BOP1: variants seen among roughly 807,000 people sequenced by gnomAD.
BOP1 encodes the protein ribosome biogenesis protein BOP1.
In BOP1, 54 loss-of-function variants were observed where a neutral mutation model predicts 82.9. The ratio of observed to expected loss-of-function variants is 0.65; its 90% CI spans 0.52 to 0.82. BOP1 has a LOEUF of 0.82. Among genes scored for constraint, BOP1 ranks in the 40% least tolerant of loss-of-function variants. The probability of loss-of-function intolerance (pLI) is 0.00; values close to 1 mark genes in which losing one functional copy is unlikely to be tolerated. For missense variants in BOP1, 1,170 were observed against 1,072.0 expected (o/e 1.09, Z -1.28); for synonymous variants, 566 against 451.1 (o/e 1.25, Z -3.23).
At chr8:144,264,475 C>A (rs1479865382) in intron 6 of BOP1, 38 bp from the exon 7 acceptor site, 3 of 1,607,492 alleles carry the variant, frequency 1.9e-6, no homozygotes, top group East Asian at 2.2e-5. Flanking sequence ...CAGTGCGGGG[C>A]GGTCAGCCCA....
chr8:144,286,790 G>T (rs558778920), intron 2 of BOP1, among the ~76,000 whole-genome samples: 5 of 152,360 alleles, frequency 3.3e-5, no homozygotes, highest in African/African-American at 1.2e-4. Flanking sequence ...ACAGACCACA[G>T]ACAGCGGTAC....
intron 2 of BOP1, among the ~76,000 whole-genome samples, chr8:144,278,564 G>T (rs1009369742): frequency 6.6e-6 from 1 of 152,230 alleles, no homozygotes; most frequent in African/African-American, 2.4e-5. Context: ...GGTGGGAAGA[G>T]AACTCTGCTC....
chr8:144,264,248 CAG>C lies in BOP1; in HGVS notation c.953_954del (p.Pro318ArgfsTer51), dbSNP rs1845304968. On this transcript the variant is annotated frameshift_variant, in exon 7 of 16. Transcript: ENST00000569669. LOFTEE classifies it high-confidence loss of function. Reference sequence around the variant, plus strand: ...ACCTCCTCCTCGCTGAGCAGGTATTCAGGGGGTGGGTTGTACGACTCGGCGTG... The same window carrying C: ...ACCTCCTCCTCGCTGAGCAGGTATTCGGGGTGGGTTGTACGACTCGGCGTG... ...PGHAESYNPPPEYLLSEEERL... is the reference protein window; with the variant it reads ...PGHAESYNPPXEYLLSEEERL... The C allele has an allele frequency of 6.2e-7, 1 of 1,610,024 alleles. No individual in the cohort carries two copies. Among genetic ancestry groups the C allele is most frequent in the Non-Finnish European group, 8.5e-7 (1 of 1,179,140 alleles).
At chr8:144,290,403 G>A (rs577596630) in intron 1 of BOP1, among the ~76,000 whole-genome samples, 7 of 151,994 alleles carry the variant, frequency 4.6e-5, no homozygotes, top group Non-Finnish European at 8.8e-5. Flanking sequence ...GTTGAATGCA[G>A]AATTCTAGAT....
intron 3 of BOP1, among the ~76,000 whole-genome samples, chr8:144,272,534 C>A (rs888736636): frequency 7.9e-5 from 12 of 152,322 alleles, no homozygotes; most frequent in Admixed American, 4.6e-4. Context: ...TCTGCCAGCC[C>A]CAGGGCAAAG....
At chr8:144,276,004 A>G (rs1554838266) in intron 3 of BOP1, among the ~76,000 whole-genome samples, 1 of 152,202 alleles carries the variant, frequency 6.6e-6, no homozygotes, top group African/African-American at 2.4e-5. Flanking sequence ...TTCACAAGCC[A>G]TGATGACACA....
intron 2 of BOP1, among the ~76,000 whole-genome samples, chr8:144,285,936 G>C (rs1245682661): frequency 6.6e-6 from 1 of 152,256 alleles, no homozygotes; most frequent in Non-Finnish European, 1.5e-5. Context: ...GGGCATGACG[G>C]GGCCATCTTG....
intron 3 of BOP1, chr8:144,265,553 C>T (rs1246636500): frequency 1.6e-5 from 3 of 182,274 alleles, no homozygotes; most frequent in Non-Finnish European, 3.5e-5. Context: ...GGCCCCTCCC[C>T]AGGCAGAACA....
At chr8:144,284,314 T>G (rs1434283253) in intron 2 of BOP1, among the ~76,000 whole-genome samples, 5 of 152,094 alleles carry the variant, frequency 3.3e-5, no homozygotes, top group Non-Finnish European at 4.4e-5. Context: ...AAAAAAGCAT[T>G]TATCCTTTGA....
intron 3 of BOP1, among the ~76,000 whole-genome samples, chr8:144,274,558 G>A (rs1369103897): frequency 6.6e-6 from 1 of 152,248 alleles, no homozygotes; most frequent in African/African-American, 2.4e-5. Context: ...CCTGAAAGCT[G>A]AGCTCTGCCG....
rs1845304701 is a variant in BOP1, at chr8:144,264,230, C to A, written c.973G>T (p.Glu325Ter). 6.2e-7 allele frequency: 1 copy of A among 1,608,030 alleles called. No homozygotes were observed. Among genetic ancestry groups the A allele is most frequent in the Admixed American group, 1.7e-5 (1 of 59,370 alleles). Residue 325 changes from glutamate (E) to a stop codon, truncating the protein, a stop_gained, in exon 7 of 16, where the codon GAG (glutamate) becomes TAG (stop). Transcript: ENST00000569669. LOFTEE classifies it high-confidence loss of function. ...CCCCCAGGATGCAGGCCCACCTCCT[C>A]CTCGCTGAGCAGGTATTCAGGGGGT... ...NPPPEYLLSE[E>*]ERLAWEQQEP...
intron 2 of BOP1, among the ~76,000 whole-genome samples, chr8:144,276,595 TGGGGC>T (rs1385580950): frequency 1.2e-4 from 19 of 152,078 alleles, no homozygotes; most frequent in Non-Finnish European, 2.4e-4. Context: ...CGGAAGCCAC[TGGGGC>T]AGTCAGGAGC....
intron 3 of BOP1, among the ~76,000 whole-genome samples, chr8:144,268,768 C>T (rs948513984): frequency 1.3e-5 from 2 of 151,990 alleles, no homozygotes; most frequent in Admixed American, 6.6e-5. Flanking sequence ...ATGGGGAGGG[C>T]GAGGCACAAG....
chr8:144,266,631 G>A, intron 3 of BOP1: 1 of 1,228,288 alleles, frequency 8.1e-7, no homozygotes, highest in Non-Finnish European at 1.0e-6. Flanking sequence ...TCGCCACGCT[G>A]CGCCCGGCGC....
chr8:144,262,757 C>A, intron 13 of BOP1, 85 bp from the exon 14 acceptor site: 1 of 1,475,202 alleles, frequency 6.8e-7, no homozygotes. Context: ...CCCTCACCTG[C>A]AGGGTGCACT....
chr8:144,282,666 T>C (rs1554839055), intron 2 of BOP1, among the ~76,000 whole-genome samples: 2 of 151,110 alleles, frequency 1.3e-5, no homozygotes, highest in East Asian at 3.9e-4. Context: ...AAGGGGGAGG[T>C]ACAGCACCCA....
rs1313042172 is a variant in BOP1, at chr8:144,263,195, C to T, written c.1605+26G>A. On this transcript the variant is annotated intron_variant, in intron 12 of 15. Coordinates refer to ENST00000569669, the MANE Select transcript of BOP1 (RefSeq NM_015201.5). ...CTGAGCCGGGCCCCTCCCGCTGCAG[C>T]CTCACCCCCAAGGCGCCCCACGTAC... The T allele has an allele frequency of 9.4e-6, 15 of 1,593,022 alleles. No homozygotes were observed. In the African/African-American group the frequency reaches 1.3e-4, roughly 14 times the overall value.
chr8:144,281,123 A>C lies in BOP1; in HGVS notation c.310-4819T>G, dbSNP rs1322748673. 1.3e-3 allele frequency among the ~76,000 whole-genome samples: 166 copies of C among 127,004 alleles called. 27 individuals carry two copies. Among genetic ancestry groups the C allele is most frequent in the South Asian group, 1.7e-3 (6 of 3,588 alleles). The allele number at this position is 127,004 out of a possible 152,430, so 83.3% of individuals were successfully genotyped here. ...CAGGTCTTCGGCCTTCTCTCAGTTT[A>C]ATACCAGGTCTTAGGCCTTCTCTCA... On this transcript the variant is annotated intron_variant, in intron 2 of 15. Coordinates refer to ENST00000569669, the MANE Select transcript of BOP1 (RefSeq NM_015201.5).
chr8:144,264,684 G>C (rs1467066532), intron 5 of BOP1, 30 bp downstream of exon 5: 2 of 1,563,314 alleles, frequency 1.3e-6, no homozygotes, highest in Non-Finnish European at 1.7e-6. Flanking sequence ...CAGGACCCCC[G>C]CCGCCCAGGG....
Sources: gnomAD v4.1 joint callset for allele counts (sites outside exome capture counted in the v4.1 genomes callset) on GRCh38, gnomAD v4.1.1 for gene constraint, MANE v1.5 for transcripts, NCBI Gene and HGNC (gene_info 2026-07-23, HGNC 2026-07-21) for gene names.